MMD2: variants seen among roughly 807,000 people sequenced by gnomAD.
MMD2 encodes the protein monocyte to macrophage differentiation factor 2.
In MMD2, 30 loss-of-function variants were observed where a neutral mutation model predicts 33.5. The observed-to-expected ratio is 0.90, with a 90% CI of 0.67 to 1.22. MMD2 has a LOEUF of 1.22. Ranked by LOEUF, MMD2 falls within the 50% of genes most tolerant of loss-of-function variation. The pLI, the probability that MMD2 is intolerant of heterozygous loss-of-function variation, is 0.00. For missense variants in MMD2, 364 were observed against 325.4 expected, an observed-to-expected ratio of 1.12 and a Z score of -0.91; for synonymous variants, 129 against 123.0, an observed-to-expected ratio of 1.05 and a Z score of -0.32.
chr7:4,922,811 C>T (rs1361306561), intron 2 of MMD2, among the ~76,000 whole-genome samples: 3 of 152,130 alleles, frequency 2.0e-5, no homozygotes, highest in African/African-American at 7.2e-5. Context: ...CTCATTCATT[C>T]ATTCCACAAA....
At chr7:4,895,128 A>T in the MMD2 span, among the ~76,000 whole-genome samples, 37 of 147,280 alleles carry the variant, frequency 2.5e-4, no homozygotes, top group Non-Finnish European at 5.2e-4. Flanking sequence ...ACCAGACTGG[A>T]GTGCAGTGGC....
intron 1 of MMD2, among the ~76,000 whole-genome samples, chr7:4,925,738 T>G (rs1331075070): frequency 2.6e-5 from 4 of 152,234 alleles, no homozygotes; most frequent in African/African-American, 9.6e-5. Flanking sequence ...TATCCAATAT[T>G]TTGTGCCTAA....
At chr7:4,936,132 C>G (rs1027933079) in intron 1 of MMD2, among the ~76,000 whole-genome samples, 1 of 148,576 alleles carries the variant, frequency 6.7e-6, no homozygotes, top group African/African-American at 2.5e-5. Flanking sequence ...TTCCTATGAG[C>G]TGAGATCGTG....
intron 1 of MMD2, among the ~76,000 whole-genome samples, chr7:4,942,644 C>G (rs1785942310): frequency 6.7e-6 from 1 of 150,188 alleles, no homozygotes; most frequent in South Asian, 2.1e-4. Context: ...CAGAGTTTTG[C>G]TCTTGTTGCC....
chr7:4,925,866 T>A (rs938720872), intron 1 of MMD2, among the ~76,000 whole-genome samples: 1 of 152,150 alleles, frequency 6.6e-6, no homozygotes, highest in Non-Finnish European at 1.5e-5. Context: ...CAGACTGGAG[T>A]GTAGTGGTGT....
At chr7:4,934,692 G>A (rs1173179213) in intron 1 of MMD2, among the ~76,000 whole-genome samples, 1 of 152,202 alleles carries the variant, frequency 6.6e-6, no homozygotes, top group Admixed American at 6.5e-5. Context: ...GATGCTGGCA[G>A]GAGACGAGGA....
At chr7:4,931,915 G>A (rs1359412928) in intron 1 of MMD2, among the ~76,000 whole-genome samples, 1 of 152,088 alleles carries the variant, frequency 6.6e-6, no homozygotes, top group African/African-American at 2.4e-5. Context: ...CAGGAGGCCG[G>A]GCCAATTTAC....
intron 1 of MMD2, among the ~76,000 whole-genome samples, chr7:4,945,440 T>C (rs1432396872): frequency 6.6e-6 from 1 of 150,614 alleles, no homozygotes; most frequent in African/African-American, 2.4e-5. Context: ...AGCTAATTTG[T>C]ATATTTTAGT....
chr7:4,950,087 G>C (rs1278854849), intron 1 of MMD2, among the ~76,000 whole-genome samples: 1 of 151,408 alleles, frequency 6.6e-6, no homozygotes, highest in African/African-American at 2.4e-5. Flanking sequence ...TTTTGTGTGT[G>C]TGTGTGTGTG....
chr7:4,912,955 C>T (rs1363719937), intron 4 of MMD2, among the ~76,000 whole-genome samples: 1 of 152,120 alleles, frequency 6.6e-6, no homozygotes, highest in East Asian at 1.9e-4. Context: ...CTGCCCTCCT[C>T]GGCCTGCCAA....
chr7:4,927,098 G>C (rs1785451417), intron 1 of MMD2, among the ~76,000 whole-genome samples: 1 of 152,076 alleles, frequency 6.6e-6, no homozygotes, highest in Non-Finnish European at 1.5e-5. Context: ...CAGACCACAA[G>C]TGAATTCTCC....
chr7:4,934,368 T>C (rs1353674689), intron 1 of MMD2, among the ~76,000 whole-genome samples: 2 of 152,092 alleles, frequency 1.3e-5, no homozygotes, highest in Non-Finnish European at 2.9e-5. Flanking sequence ...ACTCCCAGAG[T>C]GCTGGGTTAC....
intron 1 of MMD2, among the ~76,000 whole-genome samples, chr7:4,951,534 G>C (rs903980904): frequency 6.6e-6 from 1 of 152,060 alleles, no homozygotes; most frequent in Admixed American, 6.6e-5. Flanking sequence ...CAACCTCCGA[G>C]GCTTGTCCTG....
Position 4,920,996 on chromosome 7 carries a change from C to T in MMD2, c.130-665G>A, listed in dbSNP as rs76597773. ...GCCTCCAAAGGATTGGGATTATAGGCGTGAGCCACCATGCCCAGCCTCAGG... is the reference window on the plus strand; with the variant it reads ...GCCTCCAAAGGATTGGGATTATAGGTGTGAGCCACCATGCCCAGCCTCAGG... On this transcript the variant is annotated intron_variant, in intron 2 of 6. Coordinates refer to ENST00000401401, the MANE Select transcript of MMD2 (RefSeq NM_198403.4). Among the ~76,000 whole-genome samples the T allele has an allele frequency of 1.0e-3, 159 of 152,252 alleles. 1 individual carries two copies. Among genetic ancestry groups the T allele is most frequent in the African/African-American group, 3.2e-3 (135 of 41,576 alleles).
At chr7:4,932,880 C>T (rs1293927606) in intron 1 of MMD2, among the ~76,000 whole-genome samples, 4 of 151,976 alleles carry the variant, frequency 2.6e-5, no homozygotes, top group East Asian at 1.9e-4. Context: ...CTGCCTTGGC[C>T]TCCCAAAGCA....
intron 2 of MMD2, among the ~76,000 whole-genome samples, chr7:4,920,728 T>A (rs1225348884): frequency 1.6e-4 from 21 of 133,586 alleles, no homozygotes; most frequent in African/African-American, 5.1e-4. Flanking sequence ...CTTCCTCCCT[T>A]TCTCTCTTCC....
At chr7:4,929,992 G>A (rs941292372) in intron 1 of MMD2, among the ~76,000 whole-genome samples, 14 of 152,182 alleles carry the variant, frequency 9.2e-5, no homozygotes, top group Admixed American at 3.3e-4. Flanking sequence ...GGCCAGGGCC[G>A]GGTATGGTGG....
rs429309 is a variant in MMD2, at chr7:4,906,656, C to T, written c.*740G>A. 0.82 allele frequency: 325,486 copies of T among 397,562 alleles called. 133,536 individuals carry two copies. Among genetic ancestry groups the T allele is most frequent in the Admixed American group, 0.88 (19,976 of 22,712 alleles). The allele number at this position is 397,562 out of a possible 1,614,324, so 24.6% of individuals were successfully genotyped here. On this transcript the variant is annotated 3_prime_UTR_variant, in exon 7 of 7. Transcript: ENST00000401401. ...GGTGTGCGCCTCAGTTTCCCTCTACCGCCCCCAAACTGCCTACTCCAGGAG... is the reference window on the plus strand; with the variant it reads ...GGTGTGCGCCTCAGTTTCCCTCTACTGCCCCCAAACTGCCTACTCCAGGAG...
At chr7:4,912,728 T>C (rs753429572) in intron 4 of MMD2, among the ~76,000 whole-genome samples, 1 of 152,090 alleles carries the variant, frequency 6.6e-6, no homozygotes, top group Non-Finnish European at 1.5e-5. Flanking sequence ...TTTTTTGATA[T>C]GGATTCTCGC....
Sources: allele counts gnomAD v4.1 joint callset (sites outside exome capture counted in the v4.1 genomes callset), GRCh38; gene constraint gnomAD v4.1.1; transcripts MANE v1.5; gene names NCBI Gene and HGNC (gene_info 2026-07-23, HGNC 2026-07-21).